Variants in MYO1D observed in about 807,000 individuals in gnomAD.
The protein encoded by MYO1D is unconventional myosin-Id.
MYO1D carries 83 observed loss-of-function variants against 122.0 expected under a neutral mutation model. That is an observed-to-expected ratio of 0.68 (90% CI 0.57 to 0.82). The LOEUF is 0.82. Ranked by LOEUF, MYO1D falls within the 40% of genes least tolerant of loss-of-function variation. MYO1D has a pLI of 0.00. For missense variants in MYO1D, 1,157 were observed against 1,269.5 expected (o/e 0.91, Z 1.35); for synonymous variants, 464 against 446.9 (o/e 1.04, Z -0.48).
chr17:32,863,939 T>C (rs558713057), intron 1 of MYO1D, among the ~76,000 whole-genome samples: 5 of 151,280 alleles, frequency 3.3e-5, no homozygotes, highest in African/African-American at 9.7e-5. Context: ...AACTGAAATA[T>C]TTCCTTTGCT....
At chr17:32,730,283 A>G (rs775879987) in intron 14 of MYO1D, among the ~76,000 whole-genome samples, 3 of 152,098 alleles carry the variant, frequency 2.0e-5, no homozygotes, top group Non-Finnish European at 4.4e-5. Flanking sequence ...AAGGACCTTA[A>G]ACACTGGAAT....
At chr17:32,834,508 C>T (rs1291852784) in intron 1 of MYO1D, among the ~76,000 whole-genome samples, 1 of 152,304 alleles carries the variant, frequency 6.6e-6, no homozygotes, top group Non-Finnish European at 1.5e-5. Context: ...CCCAATTTGT[C>T]ATCAAGACCT....
At chr17:32,611,276 C>T (rs935712642) in intron 20 of MYO1D, among the ~76,000 whole-genome samples, 3 of 152,028 alleles carry the variant, frequency 2.0e-5, no homozygotes, top group African/African-American at 7.2e-5. Flanking sequence ...AGAAATAATT[C>T]GAAAAGACAA....
At chr17:32,557,265 C>T (rs923614140) in intron 21 of MYO1D, among the ~76,000 whole-genome samples, 1 of 151,826 alleles carries the variant, frequency 6.6e-6, no homozygotes, top group Non-Finnish European at 1.5e-5. Context: ...ATTACAGATG[C>T]CCGCTACCAC....
intron 16 of MYO1D, among the ~76,000 whole-genome samples, chr17:32,670,383 T>C (rs991210327): frequency 6.6e-6 from 1 of 152,124 alleles, no homozygotes; most frequent in African/African-American, 2.4e-5. Context: ...CCAAAACCAA[T>C]TGTATATATA....
At chr17:32,832,652 T>C (rs966486165) in intron 1 of MYO1D, among the ~76,000 whole-genome samples, 1 of 152,136 alleles carries the variant, frequency 6.6e-6, no homozygotes, top group African/African-American at 2.4e-5. Context: ...TGAATACACA[T>C]GAATGAGAAG....
intron 1 of MYO1D, among the ~76,000 whole-genome samples, chr17:32,803,252 T>C (rs982065625): frequency 2.5e-4 from 38 of 152,282 alleles, no homozygotes; most frequent in African/African-American, 9.1e-4. Context: ...GTTCACGCCA[T>C]TCTCCTGCCT....
intron 20 of MYO1D, among the ~76,000 whole-genome samples, chr17:32,617,986 G>A (rs1392314950): frequency 6.6e-6 from 1 of 151,852 alleles, no homozygotes; most frequent in East Asian, 1.9e-4. Flanking sequence ...CCTTTCTTAG[G>A]GATTCAAAGT....
intron 19 of MYO1D, among the ~76,000 whole-genome samples, chr17:32,645,511 T>C (rs1216652480): frequency 6.6e-6 from 1 of 152,216 alleles, no homozygotes; most frequent in Non-Finnish European, 1.5e-5. Context: ...CCAACTTGGT[T>C]ACACTCTCCC....
At chr17:32,802,580 T>C (rs915530068) in intron 1 of MYO1D, among the ~76,000 whole-genome samples, 1 of 152,236 alleles carries the variant, frequency 6.6e-6, no homozygotes, top group African/African-American at 2.4e-5. Context: ...AGAGTTAGTT[T>C]GACTTTTAAA....
At chr17:32,639,531 A>G (rs1044024201) in intron 19 of MYO1D, among the ~76,000 whole-genome samples, 1 of 152,014 alleles carries the variant, frequency 6.6e-6, no homozygotes, top group Non-Finnish European at 1.5e-5. Context: ...GACTTGGGTA[A>G]TAAACACATA....
At chr17:32,663,108 G>A (rs187080658) in intron 16 of MYO1D, among the ~76,000 whole-genome samples, 2 of 152,042 alleles carry the variant, frequency 1.3e-5, no homozygotes, top group East Asian at 1.9e-4. Flanking sequence ...TAGTAGAGAC[G>A]GGGTTTCACT....
At chr17:32,808,370 A>T (rs1330064983) in intron 1 of MYO1D, among the ~76,000 whole-genome samples, 3 of 137,230 alleles carry the variant, frequency 2.2e-5, no homozygotes, top group Non-Finnish European at 3.2e-5. Context: ...CTGTCTCTTT[A>T]AAAAAAAAAA....
At chr17:32,723,298 G>C (rs1282588243) in intron 14 of MYO1D, among the ~76,000 whole-genome samples, 5 of 152,176 alleles carry the variant, frequency 3.3e-5, no homozygotes, top group Non-Finnish European at 7.3e-5. Context: ...AAGTAAAGGA[G>C]AGTCTTATTA....
chr17:32,867,798 C>CAAAAAAAA (rs5820001), intron 1 of MYO1D, among the ~76,000 whole-genome samples: 13 of 53,896 alleles, frequency 2.4e-4, no homozygotes, highest in Admixed American at 3.1e-4. Flanking sequence ...GACTCCGTCT[C>CAAAAAAAA]AAAAAAAAAA....
intron 1 of MYO1D, among the ~76,000 whole-genome samples, chr17:32,855,492 T>C (rs138403568): frequency 1.3e-5 from 2 of 152,386 alleles, no homozygotes; most frequent in East Asian, 1.9e-4. Flanking sequence ...TTCATGCTGA[T>C]GTATGTAGCT....
At chr17:32,618,946 A>T (rs977179828) in intron 20 of MYO1D, among the ~76,000 whole-genome samples, 1 of 152,016 alleles carries the variant, frequency 6.6e-6, no homozygotes, top group Non-Finnish European at 1.5e-5. Context: ...CTCCTCCATT[A>T]ATTTAAATGC....
At chr17:32,734,658 T>G (rs1236319551) in intron 14 of MYO1D, 1 of 152,218 alleles carries the variant, frequency 6.6e-6, no homozygotes, top group Admixed American at 6.5e-5. Flanking sequence ...TTCTTCAAAC[T>G]ATGACCTGTT....
At chr17:32,648,408 T>G (rs192530817) in intron 19 of MYO1D, among the ~76,000 whole-genome samples, 60 of 152,322 alleles carry the variant, frequency 3.9e-4, no homozygotes, top group Middle Eastern at 3.4e-3. Flanking sequence ...AATCACCTTT[T>G]GTTATGATAT....
Sources: allele counts gnomAD v4.1 joint callset (sites outside exome capture counted in the v4.1 genomes callset), GRCh38; gene constraint gnomAD v4.1.1; transcripts MANE v1.5; gene names NCBI Gene and HGNC (gene_info 2026-07-23, HGNC 2026-07-21).